Variants in HDAC4 observed in about 807,000 individuals in gnomAD.
The protein encoded by HDAC4 is histone deacetylase A.
Under a neutral mutation model 135.1 loss-of-function variants are expected in HDAC4, and 16 were observed. That is an observed-to-expected ratio of 0.12 (90% CI 0.08 to 0.18). The LOEUF (loss-of-function observed/expected upper bound fraction) is 0.18, where lower values mean the gene tolerates loss of function less well. HDAC4 is among the 10% of genes least tolerant of loss of function. The pLI is 1.00. For missense variants in HDAC4, 1,143 were observed against 1,511.8 expected (o/e 0.76, Z 4.05); for synonymous variants, 685 against 653.4 (o/e 1.05, Z -0.74).
intron 25 of HDAC4, among the ~76,000 whole-genome samples, chr2:239,054,240 G>A (rs2031404862): frequency 6.6e-6 from 1 of 152,110 alleles, no homozygotes; most frequent in Non-Finnish European, 1.5e-5. Flanking sequence ...ACAATGACAG[G>A]GTGTGGGAGG....
chr2:239,270,442 G>C (rs975456256), intron 2 of HDAC4, among the ~76,000 whole-genome samples: 23 of 152,152 alleles, frequency 1.5e-4, no homozygotes, highest in African/African-American at 5.6e-4. Flanking sequence ...CAGTGAAGCA[G>C]GCGATAGAGA....
intron 2 of HDAC4, among the ~76,000 whole-genome samples, chr2:239,325,400 T>A (rs1460092449): frequency 2.6e-5 from 4 of 152,132 alleles, no homozygotes; most frequent in Non-Finnish European, 4.4e-5. Flanking sequence ...AATTCAAATA[T>A]GGGCAAAAGA....
chr2:239,268,343 G>T (rs765440216), intron 2 of HDAC4, among the ~76,000 whole-genome samples: 1 of 152,246 alleles, frequency 6.6e-6, no homozygotes, highest in Admixed American at 6.5e-5. Context: ...TCCACACTGT[G>T]AAGAGTGACC....
intron 1 of HDAC4, among the ~76,000 whole-genome samples, chr2:239,376,758 C>T (rs906568956): frequency 8.6e-5 from 13 of 151,830 alleles, no homozygotes; most frequent in South Asian, 2.1e-4. Flanking sequence ...CAACAGAACA[C>T]GCCACTGCTA....
At chr2:239,345,059 C>A (rs1170844160) in intron 2 of HDAC4, among the ~76,000 whole-genome samples, 2 of 152,034 alleles carry the variant, frequency 1.3e-5, no homozygotes, top group Non-Finnish European at 2.9e-5. Flanking sequence ...GCCTACACAC[C>A]CCCTCCTCCT....
At chr2:239,377,706 C>A (rs1297083202) in intron 1 of HDAC4, among the ~76,000 whole-genome samples, 1 of 152,206 alleles carries the variant, frequency 6.6e-6, no homozygotes, top group Admixed American at 6.5e-5. Context: ...CTGGCTGGGA[C>A]CAGTATTATG....
rs963598306 is a variant in HDAC4 at position 239,313,517 on chromosome 2, A to C, written c.22+39161T>G. On this transcript the variant is annotated intron_variant, in intron 2 of 26. Coordinates refer to ENST00000543185, the MANE Select transcript of HDAC4 (RefSeq NM_001378414.1). This position sits in a 1 kb window ranked among gnomAD's most constrained non-coding sequence, Gnocchi z 5.1. ...AGGCTGGACTCTTCCTAACCTCACG[A>C]GAGGTGATGACCGGAATCATCCCAG... Among the ~76,000 whole-genome samples, 2 of 152,052 alleles carry C rather than the reference A, an allele frequency of 1.3e-5. No individual in the cohort carries two copies. Among genetic ancestry groups the C allele is most frequent in the African/African-American group, 4.8e-5 (2 of 41,388 alleles).
intron 1 of HDAC4, 106 bp from the exon 2 acceptor site, chr2:239,353,024 G>A: frequency 2.7e-6 from 1 of 369,720 alleles, no homozygotes. Context: ...TTTTTTTGGA[G>A]ACAGAATCTT....
chr2:239,148,127 C>T (rs755764420), intron 7 of HDAC4, among the ~76,000 whole-genome samples: 8 of 152,168 alleles, frequency 5.3e-5, no homozygotes, highest in African/African-American at 1.4e-4. Context: ...GCAATATCGC[C>T]GTGGGACAGG....
chr2:239,234,027 T>C, intron 3 of HDAC4, among the ~76,000 whole-genome samples: 1 of 152,264 alleles, frequency 6.6e-6, no homozygotes, highest in East Asian at 1.9e-4. Flanking sequence ...GACATTTTCC[T>C]ATCAATTTTC....
intron 17 of HDAC4, among the ~76,000 whole-genome samples, chr2:239,092,246 GAAA>G (rs11366042): frequency 3.1e-5 from 4 of 129,282 alleles, no homozygotes; most frequent in African/African-American, 5.6e-5. Context: ...CTCCAAAGAG[GAAA>G]AAAAAAAAAA....
At chr2:239,054,527 G>T (rs141856856) in intron 25 of HDAC4, among the ~76,000 whole-genome samples, 18 of 152,166 alleles carry the variant, frequency 1.2e-4, no homozygotes, top group Admixed American at 1.3e-4. Context: ...TTGGGCTGAT[G>T]GAACCATCCC....
chr2:239,296,786 C>T (rs942899554), intron 2 of HDAC4, among the ~76,000 whole-genome samples: 3 of 152,112 alleles, frequency 2.0e-5, no homozygotes, highest in African/African-American at 7.2e-5. Context: ...ACTTTCACCT[C>T]CGCCCGGGAG....
At chr2:239,291,724 C>T (rs906838493) in intron 2 of HDAC4, among the ~76,000 whole-genome samples, 6 of 152,212 alleles carry the variant, frequency 3.9e-5, no homozygotes, top group Non-Finnish European at 5.9e-5. Flanking sequence ...GGGGGAAGGG[C>T]AATATCTATG....
intron 19 of HDAC4, chr2:239,085,783 T>G (rs144453234): frequency 7.8e-6 from 1 of 128,480 alleles, no homozygotes; most frequent in African/African-American, 3.1e-5. Context: ...TCCCTGTACA[T>G]GAAGGAGACT....
chr2:239,143,524 T>TC (rs2152913888), intron 8 of HDAC4, among the ~76,000 whole-genome samples: 1 of 152,266 alleles, frequency 6.6e-6, no homozygotes, highest in East Asian at 1.9e-4. Flanking sequence ...CATATGGAGT[T>TC]CCCCTGGGCA....
intron 7 of HDAC4, among the ~76,000 whole-genome samples, chr2:239,147,823 T>A (rs192440804): frequency 1.5e-4 from 23 of 152,372 alleles, no homozygotes; most frequent in African/African-American, 5.3e-4. Flanking sequence ...AACATTCCAA[T>A]CACAACCTTA....
chr2:239,222,544 A>AG (rs2153129818), intron 3 of HDAC4, among the ~76,000 whole-genome samples: 1 of 151,864 alleles, frequency 6.6e-6, no homozygotes, highest in South Asian at 2.1e-4. Flanking sequence ...CAAAAAAAAA[A>AG]AAAAAAAAAA....
At chr2:239,195,309 C>T (rs1031739548) in intron 3 of HDAC4, among the ~76,000 whole-genome samples, 1 of 152,220 alleles carries the variant, frequency 6.6e-6, no homozygotes, top group South Asian at 2.1e-4. Flanking sequence ...TGCGCACCTC[C>T]GGCCACGGCC....
Sources: allele counts gnomAD v4.1 joint callset (sites outside exome capture counted in the v4.1 genomes callset), GRCh38; gene constraint gnomAD v4.1.1; non-coding constraint Gnocchi (gnomAD v3.1); transcripts MANE v1.5; gene names NCBI Gene and HGNC (gene_info 2026-07-23, HGNC 2026-07-21).